Variants in SPECC1 observed in about 807,000 individuals in gnomAD.
SPECC1 encodes the protein cytospin-B.
SPECC1 carries 62 observed loss-of-function variants against 104.1 expected under a neutral mutation model. The observed-to-expected ratio is 0.60, with a 90% confidence interval of 0.49 to 0.74. The LOEUF is 0.74. Among genes scored for constraint, SPECC1 ranks in the 30% least tolerant of loss-of-function variants. The probability of loss-of-function intolerance (pLI) is 0.00; values close to 1 mark genes in which losing one functional copy is unlikely to be tolerated. For synonymous variants in SPECC1, 513 were observed against 501.6 expected (o/e 1.02, Z -0.30); for missense variants, 1,306 against 1,310.5 (o/e 1.00, Z 0.05).
chr17:20,017,243 CTATA>C (rs1390754191), intron 1 of SPECC1: 1 of 152,350 alleles, frequency 6.6e-6, no homozygotes, highest in Non-Finnish European at 1.5e-5. Context: ...TCTGCACTGT[CTATA>C]TGAGCTGCAA....
chr17:20,159,544 G>A (rs1319447511), intron 3 of SPECC1, among the ~76,000 whole-genome samples: 2 of 152,190 alleles, frequency 1.3e-5, no homozygotes, highest in Non-Finnish European at 2.9e-5. Flanking sequence ...CATCCCCTCT[G>A]GGGTGTTTCT....
chr17:20,098,838 A>G (rs1597694512), intron 2 of SPECC1, among the ~76,000 whole-genome samples: 1 of 152,282 alleles, frequency 6.6e-6, no homozygotes, highest in South Asian at 2.1e-4. Flanking sequence ...GCTGGAAAGT[A>G]AGCCCCCTGC....
intron 3 of SPECC1, among the ~76,000 whole-genome samples, chr17:20,196,179 CT>C (rs1297419163): frequency 1.3e-5 from 2 of 152,216 alleles, no homozygotes; most frequent in Non-Finnish European, 2.9e-5. Flanking sequence ...TTCTTATAAT[CT>C]TTTACCAAAA....
chr17:20,264,743 ATTACAGGTTCACACCTG>A, intron 12 of SPECC1, among the ~76,000 whole-genome samples: 1 of 152,098 alleles, frequency 6.6e-6, no homozygotes, highest in East Asian at 1.9e-4. Context: ...AAGTGCTGGG[ATTACAGGTTCACACCTG>A]TAATATACAT....
chr17:20,313,762 C>T (rs1235032477), intron 14 of SPECC1, among the ~76,000 whole-genome samples: 16 of 152,104 alleles, frequency 1.1e-4, no homozygotes, highest in Admixed American at 3.9e-4. Context: ...TCATGTTTTC[C>T]GTTTTTGGAA....
At chr17:20,237,597 G>T (rs914818666) in intron 7 of SPECC1, 1 of 196,516 alleles carries the variant, frequency 5.1e-6, no homozygotes, top group Non-Finnish European at 1.1e-5. Context: ...ACAGACATGA[G>T]CCACCGCACC....
At chr17:20,112,575 A>G (rs2048546400) in intron 3 of SPECC1, 17 of 826,662 alleles carry the variant, frequency 2.1e-5, no homozygotes, top group Non-Finnish European at 3.2e-5. Context: ...AGTCTTGCAC[A>G]TGCAAATCTT....
intron 7 of SPECC1, among the ~76,000 whole-genome samples, chr17:20,240,065 T>A (rs1399748825): frequency 1.2e-5 from 1 of 86,242 alleles, no homozygotes; most frequent in Non-Finnish European, 2.2e-5. Flanking sequence ...AGCTAATTTT[T>A]TTTTTTTTTT....
intron 3 of SPECC1, among the ~76,000 whole-genome samples, chr17:20,179,923 C>T (rs1025786504): frequency 3.9e-5 from 6 of 152,094 alleles, no homozygotes; most frequent in African/African-American, 1.4e-4. Context: ...TAGGAAATAG[C>T]GTGGAACTAA....
chr17:20,113,002 GC>G, intron 3 of SPECC1: 1 of 921,058 alleles, frequency 1.1e-6, no homozygotes, highest in South Asian at 1.3e-5. Context: ...AATTTTAGGG[GC>G]TGGAGGAACA....
intron 3 of SPECC1, among the ~76,000 whole-genome samples, chr17:20,197,635 AC>A (rs1191114009): frequency 6.6e-6 from 1 of 152,204 alleles, no homozygotes; most frequent in Non-Finnish European, 1.5e-5. Flanking sequence ...GAAGGCAGAG[AC>A]CAAAAGTACT....
intron 2 of SPECC1, among the ~76,000 whole-genome samples, chr17:20,108,227 A>G (rs1160864659): frequency 1.3e-5 from 2 of 151,342 alleles, no homozygotes; most frequent in Non-Finnish European, 2.9e-5. Flanking sequence ...AAAATTACAA[A>G]AAAAAGGAAA....
rs184923497 is a variant in SPECC1 at position 20,012,504 on chromosome 17, C to T, written c.-22+3080C>T. ...GTGAATTGTACCTTTTGGGAATAAA[C>T]GAGCCATCTTATTTAATTTTTTTTT... On this transcript the variant is annotated intron_variant, in intron 1 of 14. Coordinates refer to ENST00000395527, the MANE Select transcript of SPECC1 (RefSeq NM_001243439.2). 3.9e-3 allele frequency among the ~76,000 whole-genome samples: 590 copies of T among 151,178 alleles called. 15 individuals carry two copies. Among genetic ancestry groups the T allele is most frequent in the Non-Finnish European group, 7.1e-4 (48 of 67,890 alleles).
chr17:20,046,249 T>G (rs1431054451), intron 1 of SPECC1, among the ~76,000 whole-genome samples: 1 of 152,058 alleles, frequency 6.6e-6, no homozygotes, highest in Admixed American at 6.5e-5. Context: ...CCTGGCAGAG[T>G]TTTTGTTATT....
At position 20,279,421 on chromosome 17, in the gene SPECC1, C is replaced by G. The variant is rs902275559; in HGVS notation, c.2941-17540C>G. 1.2e-4 allele frequency among the ~76,000 whole-genome samples: 18 copies of G among 149,046 alleles called. 1 individual carries two copies. In the Admixed American group the frequency reaches 1.2e-3, roughly 10 times the overall value. On this transcript the variant is annotated intron_variant, in intron 12 of 14. Transcript: ENST00000395527. ...CACTGCAACCTCTGCCCCCTGGGTT[C>G]AAGCGATTCTCCTGCCTCAGCCTCC...
At position 20,096,614 on chromosome 17, in the gene SPECC1, T is replaced by C. The variant is rs757794595; in HGVS notation, c.-21-17T>C. 2.0e-5 allele frequency: 32 copies of C among 1,583,640 alleles called. No individual in the cohort carries two copies. The highest frequency in any genetic ancestry group is 2.6e-5 in the Non-Finnish European group (30 of 1,161,794). On this transcript the variant is annotated splice_polypyrimidine_tract_variant and intron_variant, in intron 1 of 14. Coordinates refer to ENST00000395527, the MANE Select transcript of SPECC1 (RefSeq NM_001243439.2). ...TCAAGTGATGGAGACATGTTTTTCT[T>C]TTCTGCTCTTTTGCAGGACAGACCC...
chr17:20,185,729 G>A (rs902338073), intron 3 of SPECC1, among the ~76,000 whole-genome samples: 1 of 152,218 alleles, frequency 6.6e-6, no homozygotes, highest in Non-Finnish European at 1.5e-5. Flanking sequence ...CCTTTGCAGA[G>A]CCAACCTCCA....
intron 1 of SPECC1, among the ~76,000 whole-genome samples, chr17:20,092,903 T>C (rs920232044): frequency 6.6e-6 from 1 of 152,232 alleles, no homozygotes; most frequent in African/African-American, 2.4e-5. Flanking sequence ...ATAGCCTTGG[T>C]GCTCTCCAGG....
chr17:20,174,359 G>C (rs1209482979), intron 3 of SPECC1, among the ~76,000 whole-genome samples: 2 of 152,208 alleles, frequency 1.3e-5, no homozygotes, highest in East Asian at 1.9e-4. Context: ...TAAATATGCA[G>C]TTAGGAGATA....
Sources: gnomAD v4.1 joint callset for allele counts (sites outside exome capture counted in the v4.1 genomes callset) on GRCh38, gnomAD v4.1.1 for gene constraint, MANE v1.5 for transcripts, NCBI Gene and HGNC (gene_info 2026-07-23, HGNC 2026-07-21) for gene names.